Variants in TRIM4 observed in about 807,000 individuals in gnomAD.
TRIM4 encodes E3 ubiquitin-protein ligase TRIM4.
Under a neutral mutation model 33.7 loss-of-function variants are expected in TRIM4, and 29 were observed. The ratio of observed to expected loss-of-function variants is 0.86; its 90% CI spans 0.64 to 1.17. TRIM4 has a LOEUF of 1.17. Among genes scored for constraint, TRIM4 ranks in the 50% most tolerant of loss-of-function variants. TRIM4 has a pLI of 0.00. For synonymous variants in TRIM4, 224 were observed against 233.0 expected (o/e 0.96, Z 0.35); for missense variants, 554 against 593.7 (o/e 0.93, Z 0.69).
Position 99,919,201 on chromosome 7 carries a change from C to T in TRIM4, c.201G>A (p.Leu67=). The T allele has an allele frequency of 6.6e-7, 1 of 1,504,226 alleles. No homozygotes were observed. Among genetic ancestry groups the T allele is most frequent in the African/African-American group, 1.4e-5 (1 of 69,348 alleles). 93.2% of individuals were successfully genotyped at this position (1,504,226 alleles called of 1,614,324 possible). Residue 67 remains leucine, a synonymous_variant, in exon 1 of 6, where the codon CTG becomes CTA. Coordinates refer to ENST00000349062, the MANE Select transcript of TRIM4 (RefSeq NM_033091.3). ...GCTGCGTCTTCTCAGTCAGCCTGGC[C>T]AGGGCCCAGTTGGGTCGCAGCGCGG... The part of the protein sequence containing the change: ...APAALRPNWA[L]ARLTEKTQRR...
chr7:99,893,999 A>C (rs1818956868), intron 5 of TRIM4, among the ~76,000 whole-genome samples: 1 of 151,068 alleles, frequency 6.6e-6, no homozygotes, highest in South Asian at 2.1e-4. Flanking sequence ...AGTGATATAA[A>C]CTACATCGAT....
chr7:99,895,964 A>T (rs1448258803), intron 5 of TRIM4, among the ~76,000 whole-genome samples: 1 of 151,628 alleles, frequency 6.6e-6, no homozygotes, highest in Non-Finnish European at 1.5e-5. Context: ...TTTTTTAGCC[A>T]ATCCAACCAA....
Position 99,892,094 on chromosome 7 carries a change from G to A in TRIM4, c.*69C>T. The stretch of plus-strand genomic sequence containing the variant: ...CAGGATAGAGACATGAAGGGCAGAA[G>A]AGGGCCCAGGGATGTGTGTCCCTCA... On this transcript the variant is annotated 3_prime_UTR_variant, in exon 6 of 6. Coordinates refer to ENST00000349062, the MANE Select transcript of TRIM4 (RefSeq NM_033091.3). 3 of 1,369,796 alleles carry A rather than the reference G, an allele frequency of 2.2e-6. No individual in the cohort carries two copies. 84.9% of individuals were successfully genotyped at this position (1,369,796 alleles called of 1,614,324 possible). A position where few individuals can be genotyped will look rare whatever the true frequency, so the allele number is the denominator to read the frequency against.
intron 5 of TRIM4, among the ~76,000 whole-genome samples, chr7:99,896,770 G>C (rs1563083501): frequency 6.6e-6 from 1 of 152,220 alleles, no homozygotes; most frequent in Non-Finnish European, 1.5e-5. Flanking sequence ...TGATGGGTGG[G>C]GCCCACCAGG....
chr7:99,918,978 C>A (rs2151655772), intron 1 of TRIM4, 31 bp downstream of exon 1: 1 of 1,572,068 alleles, frequency 6.4e-7, no homozygotes, highest in East Asian at 2.4e-5. Context: ...CACTGACAGC[C>A]CCGTCATAGT....
At chr7:99,909,781 A>T (rs1584270445) in intron 1 of TRIM4, 121 bp from the exon 2 acceptor site, 4 of 771,650 alleles carry the variant, frequency 5.2e-6, no homozygotes, top group Admixed American at 3.2e-5. Flanking sequence ...CACCCAGGTT[A>T]GACTGCAGCG....
chr7:99,900,305 A>C (rs910093702), intron 5 of TRIM4, among the ~76,000 whole-genome samples: 2 of 152,114 alleles, frequency 1.3e-5, no homozygotes, highest in Non-Finnish European at 2.9e-5. Flanking sequence ...TCAAGCCTTC[A>C]ACTGATTAGA....
chr7:99,903,506 G>C, intron 4 of TRIM4, 70 bp downstream of exon 4: 1 of 1,595,496 alleles, frequency 6.3e-7, no homozygotes, highest in Non-Finnish European at 8.6e-7. Context: ...CCTAGGCCTT[G>C]TTTCCCCTCT....
Position 99,896,703 on chromosome 7 carries a change from G to A in TRIM4, c.842-3957C>T, listed in dbSNP as rs543764546. Among the ~76,000 whole-genome samples the A allele has an allele frequency of 4.0e-3, 606 of 152,344 alleles. 4 individuals carry two copies. The highest frequency in any genetic ancestry group is 0.017 in the South Asian group (81 of 4,824). On this transcript the variant is annotated intron_variant, in intron 5 of 5. Transcript: ENST00000349062. ...ACAATGGGATCAGGGGAGAATCCAC[G>A]GTGGAAATCCTGGGCTGGTTGTCCA...
intron 5 of TRIM4, among the ~76,000 whole-genome samples, chr7:99,899,081 C>T (rs193006106): frequency 7.2e-5 from 11 of 152,262 alleles, no homozygotes; most frequent in Non-Finnish European, 1.0e-4. Context: ...CTGCAGTGTA[C>T]GGCAGACACA....
chr7:99,918,941 G>A, intron 1 of TRIM4, 68 bp downstream of exon 1: 1 of 1,491,892 alleles, frequency 6.7e-7, no homozygotes, highest in Non-Finnish European at 8.9e-7. Flanking sequence ...GCTCTTTTAG[G>A]AGCATTAAGT....
intron 1 of TRIM4, chr7:99,916,859 A>T: frequency 1.3e-6 from 1 of 754,680 alleles, no homozygotes; most frequent in Non-Finnish European, 2.5e-6. Flanking sequence ...GAGAAAGTTC[A>T]ATCTTTTTAC....
Position 99,919,315 on chromosome 7 carries a change from G to A in TRIM4, c.87C>T (p.His29=). The part of the protein sequence containing the change: ...FQDPVSIECG[H]NFCRGCLHRN... ...GGTGCAGGCAGCCGCGGCAGAAGTT[G>A]TGGCCGCACTCGATGGACACCGGGT... Residue 29 remains histidine (H), a synonymous_variant, in exon 1 of 6, where the codon CAC becomes CAT. Transcript: ENST00000349062. 3 of 1,564,304 alleles carry A rather than the reference G, an allele frequency of 1.9e-6. No individual in the cohort carries two copies. The highest frequency in any genetic ancestry group is 2.3e-5 in the South Asian group (2 of 85,480).
At position 99,909,068 on chromosome 7, in the gene TRIM4, C is replaced by T. The variant is rs1819374549; in HGVS notation, c.490-256G>A. Among the ~76,000 whole-genome samples the T allele has an allele frequency of 2.0e-5, 3 of 152,108 alleles. 1 individual carries two copies. Among genetic ancestry groups the T allele is most frequent in the Admixed American group, 2.0e-4 (3 of 15,262 alleles). ...CAAGTTTTAAACTAAAACAAACTTT[C>T]ACATCTACTACTTAGTTTAGCCTTC... On this transcript the variant is annotated intron_variant, in intron 2 of 5. Coordinates refer to ENST00000349062, the MANE Select transcript of TRIM4 (RefSeq NM_033091.3).
At chr7:99,916,620 A>G in intron 1 of TRIM4, 1 of 741,156 alleles carries the variant, frequency 1.3e-6, no homozygotes, top group Non-Finnish European at 2.5e-6. Context: ...ATTGATCACC[A>G]AGTCATTCAA....
intron 5 of TRIM4, among the ~76,000 whole-genome samples, chr7:99,900,512 A>ATATT (rs1388012495): frequency 2.6e-5 from 4 of 152,172 alleles, no homozygotes; most frequent in African/African-American, 9.7e-5. Context: ...ACAATAATAT[A>ATATT]TATTTATTCG....
chr7:99,898,440 G>A lies in TRIM4; in HGVS notation c.841+4778C>T, dbSNP rs556145308. On this transcript the variant is annotated intron_variant, in intron 5 of 5. Coordinates refer to ENST00000349062, the MANE Select transcript of TRIM4 (RefSeq NM_033091.3). ...AGGGTGGCACAGTAACTGTCTCCAC[G>A]TAGGGGCCCATGCCCTCCCCTTGGG... 5.3e-5 allele frequency among the ~76,000 whole-genome samples: 8 copies of A among 152,338 alleles called. No homozygotes were observed. In the South Asian group the frequency reaches 8.3e-4, roughly 16 times the overall value.
At chr7:99,895,205 T>C (rs376233157) in intron 5 of TRIM4, among the ~76,000 whole-genome samples, 61 of 152,362 alleles carry the variant, frequency 4.0e-4, no homozygotes, top group Middle Eastern at 3.4e-3. Flanking sequence ...TATACACTTT[T>C]CTTTAAGTTT....
intron 5 of TRIM4, among the ~76,000 whole-genome samples, chr7:99,893,625 C>T (rs1279191089): frequency 6.6e-6 from 1 of 152,048 alleles, no homozygotes; most frequent in African/African-American, 2.4e-5. Flanking sequence ...TGTCAGAGTC[C>T]CCTCCACCTG....
Sources: allele counts gnomAD v4.1 joint callset (sites outside exome capture counted in the v4.1 genomes callset), GRCh38; gene constraint gnomAD v4.1.1; transcripts MANE v1.5; gene names NCBI Gene and HGNC (gene_info 2026-07-23, HGNC 2026-07-21).